LPP: variants seen among roughly 807,000 people sequenced by gnomAD.
The protein encoded by LPP is lipoma-preferred partner.
In LPP, 38 loss-of-function variants were observed where a neutral mutation model predicts 60.4. The ratio of observed to expected loss-of-function variants is 0.63; its 90% confidence interval spans 0.49 to 0.83. LPP has a LOEUF of 0.83. Among genes scored for constraint, LPP ranks in the 40% least tolerant of loss-of-function variants. The pLI is 0.00. For missense variants in LPP, 902 were observed against 783.6 expected, an observed-to-expected ratio of 1.15 and a Z score of -1.80; for synonymous variants, 328 against 290.8, an observed-to-expected ratio of 1.13 and a Z score of -1.30.
At chr3:188,367,075 T>G (rs1771416353) in intron 3 of LPP, among the ~76,000 whole-genome samples, 1 of 152,076 alleles carries the variant, frequency 6.6e-6, no homozygotes, top group South Asian at 2.1e-4. Flanking sequence ...TTTTTGTATT[T>G]TTAGTAGAGA....
At chr3:188,711,599 G>A (rs1315163181) in intron 8 of LPP, 1 of 151,924 alleles carries the variant, frequency 6.6e-6, no homozygotes, top group Non-Finnish European at 1.5e-5. Context: ...TTGAGGCCAG[G>A]ATTATTTAAA....
At chr3:188,497,591 G>A (rs369358048) in intron 5 of LPP, among the ~76,000 whole-genome samples, 1 of 152,070 alleles carries the variant, frequency 6.6e-6, no homozygotes, top group Non-Finnish European at 1.5e-5. Context: ...TAAAATATAC[G>A]CACTTCAGAG....
chr3:188,796,610 A>G (rs1239931026), intron 9 of LPP, among the ~76,000 whole-genome samples: 1 of 152,166 alleles, frequency 6.6e-6, no homozygotes, highest in East Asian at 1.9e-4. Context: ...GCTGAAAGTA[A>G]GATGAGCACG....
chr3:188,252,055 TATATATATATATATATATATAC>T (rs1233089125), intron 2 of LPP, among the ~76,000 whole-genome samples: 6 of 98,396 alleles, frequency 6.1e-5, no homozygotes, highest in South Asian at 3.2e-4. Context: ...TATATATATA[TATATATATATATATATATATAC>T]ACACACACAC....
intron 9 of LPP, among the ~76,000 whole-genome samples, chr3:188,849,520 A>G (rs567541990): frequency 4.6e-4 from 70 of 152,262 alleles, no homozygotes; most frequent in African/African-American, 1.6e-3. Context: ...AATATGCACA[A>G]ATTCATCATT....
chr3:188,403,552 G>A lies in LPP; in HGVS notation c.-9-2560G>A, dbSNP rs76421877. Reference sequence around the variant, plus strand: ...TTATTTCACACTTATATTCACTTTAGTCATACTGAAAGCAAACCAGTCACT... The same window carrying A: ...TTATTTCACACTTATATTCACTTTAATCATACTGAAAGCAAACCAGTCACT... On this transcript the variant is annotated intron_variant, in intron 3 of 11. Coordinates refer to ENST00000617246, the MANE Select transcript of LPP (RefSeq NM_001375462.1). 1.2e-3 allele frequency among the ~76,000 whole-genome samples: 176 copies of A among 152,082 alleles called. 1 individual carries two copies. Among genetic ancestry groups the A allele is most frequent in the Admixed American group, 9.4e-3 (143 of 15,272 alleles).
rs138665090 is a variant in LPP at position 188,760,891 on chromosome 3, A to G, written c.1410+609A>G. Among the ~76,000 whole-genome samples the G allele has an allele frequency of 6.2e-3, 939 of 152,300 alleles. 25 individuals carry two copies. The highest frequency in any genetic ancestry group is 0.039 in the Admixed American group (595 of 15,296). On this transcript the variant is annotated intron_variant, in intron 9 of 11. Coordinates refer to ENST00000617246, the MANE Select transcript of LPP (RefSeq NM_001375462.1). ...ACTGAGCTAATCATTGTTTTCTTTTATTACAGAACACAAAAACTATATTTT... is the reference window on the plus strand; with the variant it reads ...ACTGAGCTAATCATTGTTTTCTTTTGTTACAGAACACAAAAACTATATTTT...
intron 9 of LPP, among the ~76,000 whole-genome samples, chr3:188,832,595 C>T (rs1560269149): frequency 6.6e-6 from 1 of 152,156 alleles, no homozygotes; most frequent in Non-Finnish European, 1.5e-5. Flanking sequence ...AAACCTAATA[C>T]AATAATACCC....
At chr3:188,266,013 G>T (rs1251362467) in intron 2 of LPP, among the ~76,000 whole-genome samples, 4 of 151,968 alleles carry the variant, frequency 2.6e-5, no homozygotes, top group African/African-American at 9.7e-5. Flanking sequence ...TTACTTCTCT[G>T]TTGCTGCCTG....
intron 2 of LPP, among the ~76,000 whole-genome samples, chr3:188,245,546 T>TAGAAGGTGAA (rs2149504975): frequency 6.6e-6 from 1 of 152,320 alleles, no homozygotes; most frequent in East Asian, 1.9e-4. Flanking sequence ...TTTTGCCTTT[T>TAGAAGGTGAA]CACCTCCTCT....
At chr3:188,808,606 G>T (rs1341932977) in intron 9 of LPP, among the ~76,000 whole-genome samples, 1 of 152,126 alleles carries the variant, frequency 6.6e-6, no homozygotes, top group Non-Finnish European at 1.5e-5. Context: ...CAGAGCTGCT[G>T]CTGTTCCGCT....
chr3:188,561,583 T>C (rs1318100959), intron 6 of LPP, among the ~76,000 whole-genome samples: 1 of 152,066 alleles, frequency 6.6e-6, no homozygotes, highest in Non-Finnish European at 1.5e-5. Flanking sequence ...ATTTGGAATG[T>C]GGCAAATCGC....
chr3:188,534,018 T>G (rs1026595220), intron 6 of LPP, among the ~76,000 whole-genome samples: 1 of 152,238 alleles, frequency 6.6e-6, no homozygotes, highest in Admixed American at 6.5e-5. Flanking sequence ...AGTGGAAATT[T>G]AGCCTAAAAA....
chr3:188,468,132 G>A (rs1800933471), intron 4 of LPP, among the ~76,000 whole-genome samples: 1 of 152,062 alleles, frequency 6.6e-6, no homozygotes. Context: ...ACCAGAGGTG[G>A]TATTTACTCA....
intron 5 of LPP, among the ~76,000 whole-genome samples, chr3:188,502,095 C>T (rs570343578): frequency 1.3e-5 from 2 of 152,228 alleles, no homozygotes; most frequent in Admixed American, 1.3e-4. Flanking sequence ...CATGTTCTAT[C>T]CTGGAACATG....
At chr3:188,374,101 G>A (rs990568966) in intron 3 of LPP, among the ~76,000 whole-genome samples, 1 of 152,102 alleles carries the variant, frequency 6.6e-6, no homozygotes, top group South Asian at 2.1e-4. Flanking sequence ...TGCTGCTTTG[G>A]TTACTGTAAC....
intron 7 of LPP, among the ~76,000 whole-genome samples, chr3:188,644,199 T>C (rs1850698892): frequency 6.6e-6 from 1 of 152,162 alleles, no homozygotes; most frequent in South Asian, 2.1e-4. Flanking sequence ...AGAAGAACAA[T>C]TTAGAGCATC....
At chr3:188,545,347 G>A (rs948642958) in intron 6 of LPP, among the ~76,000 whole-genome samples, 9 of 151,510 alleles carry the variant, frequency 5.9e-5, no homozygotes, top group Admixed American at 4.0e-4. Context: ...AATTATTAAT[G>A]TGTAGGTTGA....
intron 4 of LPP, among the ~76,000 whole-genome samples, chr3:188,481,401 C>T (rs895680734): frequency 3.9e-5 from 6 of 152,134 alleles, no homozygotes; most frequent in Admixed American, 2.6e-4. Flanking sequence ...GTGTTTATCA[C>T]GAGGGCTTTT....
Sources: allele counts gnomAD v4.1 joint callset (sites outside exome capture counted in the v4.1 genomes callset), GRCh38; gene constraint gnomAD v4.1.1; transcripts MANE v1.5; gene names NCBI Gene and HGNC (gene_info 2026-07-23, HGNC 2026-07-21).